Variants in MYBL1 observed in about 807,000 individuals in gnomAD.
MYBL1 encodes MYB proto-oncogene like 1.
MYBL1 carries 17 observed loss-of-function variants against 96.3 expected under a neutral mutation model. That is an observed-to-expected ratio of 0.18 (90% CI 0.12 to 0.26). The LOEUF (loss-of-function observed/expected upper bound fraction) is 0.26. Among genes scored for constraint, MYBL1 ranks in the 10% least tolerant of loss-of-function variants. MYBL1 has a pLI of 1.00. For missense variants in MYBL1, 701 were observed against 882.9 expected, an observed-to-expected ratio of 0.79 and a Z score of 2.61; for synonymous variants, 282 against 292.7, an observed-to-expected ratio of 0.96 and a Z score of 0.37.
intron 1 of MYBL1, among the ~76,000 whole-genome samples, chr8:66,609,502 A>G (rs1281887482): frequency 6.6e-6 from 1 of 151,998 alleles, no homozygotes; most frequent in Non-Finnish European, 1.5e-5. Context: ...TACCAGGTTG[A>G]TTTAATAAAG....
In MYBL1 at chr8:66,573,446, T is replaced by C; in HGVS notation, c.1531A>G (p.Thr511Ala). Residue 511 changes from threonine (T) to alanine (A), a missense_variant, in exon 11 of 16, where the codon ACC becomes GCC. Around this residue, in one of 5 missense-constraint regions of MYBL1, gnomAD observed 396 missense variants for 407.4 expected, o/e 0.97. Coordinates refer to ENST00000522677, the MANE Select transcript of MYBL1 (RefSeq NM_001080416.4). ...AGAGCTTTCTGCCCACAAATAGGGGTTGATGTAAATGAAGGATTTTCTATA... is the reference window on the plus strand; with the variant it reads ...AGAGCTTTCTGCCCACAAATAGGGGCTGATGTAAATGAAGGATTTTCTATA... The part of the protein sequence containing the change: ...LNIENPSFTS[T>A]PICGQKALIT... 1 of 1,612,238 alleles carries C rather than the reference T, an allele frequency of 6.2e-7. No homozygotes were observed. Among genetic ancestry groups the C allele is most frequent in the Non-Finnish European group, 8.5e-7 (1 of 1,179,026 alleles).
At position 66,604,794 on chromosome 8, in the gene MYBL1, T is replaced by A. The variant is rs145515336; in HGVS notation, c.21-2271A>T. Among the ~76,000 whole-genome samples, 14 of 152,202 alleles carry A rather than the reference T, an allele frequency of 9.2e-5. No homozygotes were observed. In the East Asian group the frequency reaches 2.7e-3, roughly 29 times the overall value. On this transcript the variant is annotated intron_variant, in intron 1 of 15. Coordinates refer to ENST00000522677, the MANE Select transcript of MYBL1 (RefSeq NM_001080416.4). ...TTTTGCAACTGATAGATGAGGGACA[T>A]GGAAGAAGGAGGAATTAAGGATGAC...
Position 66,578,673 on chromosome 8 carries a change from C to T in MYBL1, c.1101+1460G>A, listed in dbSNP as rs535944443. 3.3e-5 allele frequency among the ~76,000 whole-genome samples: 5 copies of T among 152,174 alleles called. No homozygotes were observed. In the South Asian group the frequency reaches 8.3e-4, roughly 25 times the overall value. On this transcript the variant is annotated intron_variant, in intron 9 of 15. Transcript: ENST00000522677. ...TCAACTATTGCGGAAGTCAGTGTGG[C>T]GATTCCTCAGGGATCTAGAATAGAA...
Position 66,602,369 on chromosome 8 carries a change from T to C in MYBL1, c.126+49A>G, listed in dbSNP as rs750829738. On this transcript the variant is annotated intron_variant, in intron 2 of 15. Coordinates refer to ENST00000522677, the MANE Select transcript of MYBL1 (RefSeq NM_001080416.4). ...CCTGGCCGTATAACTATAGCAGTAT[T>C]AACCAATAAATACATGTAAGAAACT... 133 of 1,354,842 alleles carry C rather than the reference T, an allele frequency of 9.8e-5. No homozygotes were observed. The South Asian group carries it at 1.3e-3, about 13-fold the overall frequency. The allele number at this position is 1,354,842 out of a possible 1,614,324, so 83.9% of individuals were successfully genotyped here.
chr8:66,570,030 G>T (rs1808666574), intron 12 of MYBL1, among the ~76,000 whole-genome samples: 1 of 152,206 alleles, frequency 6.6e-6, no homozygotes, highest in African/African-American at 2.4e-5. Context: ...TATAGTAGAT[G>T]CTCAGTAAAT....
At chr8:66,601,847 T>A in intron 2 of MYBL1, 78 bp from the exon 3 acceptor site, 4 of 656,460 alleles carry the variant, frequency 6.1e-6, no homozygotes, top group Non-Finnish European at 1.0e-5. Flanking sequence ...AACTCTCCAA[T>A]TCTATTAAGG....
Position 66,595,636 on chromosome 8 carries a change from A to G in MYBL1, c.634T>C (p.Cys212Arg), listed in dbSNP as rs1337591362. Reference protein sequence around the residue: ...RSSSKLQHKPCAAMDHMQTQN... With the variant: ...RSSSKLQHKPRAAMDHMQTQN... ...GTTTGCATATGATCCATAGCTGCAC[A>G]AGGTTTGTGTTGAAGTTTAGATGAA... Residue 212 changes from cysteine to arginine, a missense_variant, in exon 6 of 16, where the codon TGT becomes CGT. Cys to Arg is a radical substitution (Grantham distance 180). Transcript: ENST00000522677. The G allele has an allele frequency of 4.4e-6, 7 of 1,593,946 alleles. No individual in the cohort carries two copies. Among genetic ancestry groups the G allele is most frequent in the Non-Finnish European group, 6.0e-6 (7 of 1,169,144 alleles).
intron 12 of MYBL1, 139 bp downstream of exon 12, chr8:66,572,343 T>G (rs535127632): frequency 4.0e-6 from 2 of 506,004 alleles, no homozygotes; most frequent in Non-Finnish European, 6.8e-6. Flanking sequence ...AAAAAAAACC[T>G]TGAAAATCAA....
chr8:66,576,993 T>C (rs549886846), intron 9 of MYBL1, among the ~76,000 whole-genome samples: 25 of 152,258 alleles, frequency 1.6e-4, no homozygotes, highest in African/African-American at 5.1e-4. Flanking sequence ...ATTATCTCAA[T>C]AGATGCGGAA....
chr8:66,584,200 C>T (rs1190283178), intron 8 of MYBL1, among the ~76,000 whole-genome samples: 1 of 152,082 alleles, frequency 6.6e-6, no homozygotes, highest in Non-Finnish European at 1.5e-5. Context: ...TAAAAACTCT[C>T]AACAAGTTAA....
chr8:66,612,575 C>A (rs1043139376), intron 1 of MYBL1: 25 of 405,520 alleles, frequency 6.2e-5, no homozygotes, highest in Middle Eastern at 6.1e-4. Flanking sequence ...ACGCGCATTA[C>A]GGGGAGAGTC....
At chr8:66,568,569 C>G (rs1808605574) in intron 12 of MYBL1, among the ~76,000 whole-genome samples, 1 of 152,046 alleles carries the variant, frequency 6.6e-6, no homozygotes, top group South Asian at 2.1e-4. Context: ...TCCCAAAGTG[C>G]TGGGATCACA....
intron 10 of MYBL1, among the ~76,000 whole-genome samples, chr8:66,573,976 T>A (rs761581235): frequency 0.02 from 3,021 of 152,272 alleles, 96 homozygotes; most frequent in African/African-American, 0.067. Context: ...AATGCTTTGC[T>A]GATAAGAAAT....
intron 12 of MYBL1, among the ~76,000 whole-genome samples, chr8:66,567,260 C>T (rs1808541235): frequency 6.6e-6 from 1 of 152,126 alleles, no homozygotes; most frequent in Non-Finnish European, 1.5e-5. Context: ...TGCTTCAGGT[C>T]AGGATCTTCA....
intron 12 of MYBL1, among the ~76,000 whole-genome samples, chr8:66,572,184 G>A (rs922286279): frequency 6.6e-6 from 1 of 151,888 alleles, no homozygotes; most frequent in African/African-American, 2.4e-5. Context: ...GCTGGGTGTG[G>A]TGGCGGGCAC....
chr8:66,565,630 GA>G (rs11363066), intron 15 of MYBL1: 148,579 of 151,776 alleles, frequency 0.98, 72,730 homozygotes, highest in East Asian at 1. Context: ...TATCCCAACA[GA>G]AAAAAAAAAG....
chr8:66,587,371 A>C lies in MYBL1; in HGVS notation c.867+5069T>G, dbSNP rs575214158. The stretch of plus-strand genomic sequence containing the variant: ...TCAATTAAAAATAATAATAAAAGCA[A>C]AAAAAAAACCCTTGTGCCTTATTTT... On this transcript the variant is annotated intron_variant, in intron 8 of 15. Coordinates refer to ENST00000522677, the MANE Select transcript of MYBL1 (RefSeq NM_001080416.4). 1.1e-4 allele frequency among the ~76,000 whole-genome samples: 17 copies of C among 150,870 alleles called. No homozygotes were observed. In the South Asian group the frequency reaches 1.5e-3, roughly 13 times the overall value.
intron 8 of MYBL1, 82 bp downstream of exon 8, chr8:66,592,358 G>A (rs930093086): frequency 1.1e-6 from 1 of 912,978 alleles, no homozygotes; most frequent in Non-Finnish European, 1.7e-6. Flanking sequence ...CAGTCATACT[G>A]AGTATGCTTT....
intron 1 of MYBL1, among the ~76,000 whole-genome samples, chr8:66,608,515 C>G (rs1240811796): frequency 6.6e-6 from 1 of 152,092 alleles, no homozygotes; most frequent in Non-Finnish European, 1.5e-5. Flanking sequence ...AGATATCTAT[C>G]AACATCACTA....
Sources: gnomAD v4.1 joint callset for allele counts (sites outside exome capture counted in the v4.1 genomes callset) on GRCh38, gnomAD v4.1.1 for gene constraint, gnomAD v4.1.1 regional missense constraint, MANE v1.5 for transcripts, NCBI Gene and HGNC (gene_info 2026-07-23, HGNC 2026-07-21) for gene names.